The following GTF2A1L variants were observed in gnomAD, a reference collection of about 807,000 sequenced individuals.
GTF2A1L encodes TFIIA-alpha and beta-like factor.
A neutral mutation model predicts 49.7 loss-of-function variants in GTF2A1L; 48 were observed. That is an observed-to-expected ratio of 0.97 (90% CI 0.77 to 1.23). The LOEUF is 1.23. Among genes scored for constraint, GTF2A1L ranks in the 50% most tolerant of loss-of-function variants. The pLI, the probability that GTF2A1L is intolerant of heterozygous loss-of-function variation, is 0.00. For missense variants in GTF2A1L, 736 were observed against 564.8 expected, an observed-to-expected ratio of 1.30 and a Z score of -3.07; for synonymous variants, 246 against 193.5, an observed-to-expected ratio of 1.27 and a Z score of -2.25.
At chr2:48,647,417 A>C (rs1374200603) in intron 6 of GTF2A1L, among the ~76,000 whole-genome samples, 1 of 152,152 alleles carries the variant, frequency 6.6e-6, no homozygotes, top group Non-Finnish European at 1.5e-5. Flanking sequence ...TCTTCAGAGA[A>C]AATGCGTTTG....
intron 3 of GTF2A1L, among the ~76,000 whole-genome samples, chr2:48,622,553 G>C (rs924605614): frequency 5.3e-5 from 8 of 152,116 alleles, no homozygotes; most frequent in African/African-American, 1.9e-4. Context: ...TATGGAAGAG[G>C]AAAATACTTG....
chr2:48,642,340 T>C, intron 3 of GTF2A1L, 62 bp from the exon 4 acceptor site: 1 of 1,420,070 alleles, frequency 7.0e-7, no homozygotes, highest in Non-Finnish European at 9.5e-7. Context: ...TAAGCTATAT[T>C]TAGTGATTTT....
Position 48,644,015 on chromosome 2 carries a change from A to T in GTF2A1L, c.304-1018A>T, listed in dbSNP as rs189747729. Reference sequence around the variant, plus strand: ...TGCCCGGCCTGTACAAAATTTTTTTAAAAAAATTAGCCAAGCATGGTGGTG... The same window carrying T: ...TGCCCGGCCTGTACAAAATTTTTTTTAAAAAATTAGCCAAGCATGGTGGTG... On this transcript the variant is annotated intron_variant, in intron 4 of 8. Transcript: ENST00000403751. Among the ~76,000 whole-genome samples, 698 of 152,052 alleles carry T rather than the reference A, an allele frequency of 4.6e-3. 9 individuals carry two copies. Among genetic ancestry groups the T allele is most frequent in the African/African-American group, 0.015 (606 of 41,466 alleles).
intron 1 of GTF2A1L, among the ~76,000 whole-genome samples, chr2:48,619,469 CAAA>C (rs34874672): frequency 6.0e-5 from 8 of 133,644 alleles, no homozygotes; most frequent in East Asian, 2.2e-4. Context: ...GACTCCATCT[CAAA>C]AAAAAAAAAA....
rs1258100080 is a variant in GTF2A1L at position 48,643,688 on chromosome 2, A to G, written c.303+1231A>G. 2.0e-5 allele frequency among the ~76,000 whole-genome samples: 3 copies of G among 149,144 alleles called. No homozygotes were observed. In the East Asian group the frequency reaches 5.8e-4, roughly 29 times the overall value. On this transcript the variant is annotated intron_variant, in intron 4 of 8. Coordinates refer to ENST00000403751, the MANE Select transcript of GTF2A1L (RefSeq NM_006872.5). ...TGGGCACCATAGCAAGACCATATTA[A>G]TACAATTTTTTTTTTTTTTTTTTTT...
intron 1 of GTF2A1L, among the ~76,000 whole-genome samples, chr2:48,618,284 G>C (rs1485980890): frequency 1.3e-5 from 2 of 152,178 alleles, no homozygotes; most frequent in African/African-American, 4.8e-5. Flanking sequence ...TTTACTGCTT[G>C]AAATAACAAT....
chr2:48,636,337 G>C (rs1676886344), intron 3 of GTF2A1L, among the ~76,000 whole-genome samples: 3 of 152,110 alleles, frequency 2.0e-5, no homozygotes, highest in African/African-American at 7.2e-5. Flanking sequence ...AAGTATACTT[G>C]CTAGTTGAAA....
intron 3 of GTF2A1L, among the ~76,000 whole-genome samples, chr2:48,634,525 G>C (rs1207603925): frequency 6.6e-6 from 1 of 152,160 alleles, no homozygotes; most frequent in African/African-American, 2.4e-5. Flanking sequence ...TTTCATGGTA[G>C]CTGGCATCAG....
intron 3 of GTF2A1L, among the ~76,000 whole-genome samples, chr2:48,630,520 A>C (rs1279678447): frequency 6.9e-6 from 1 of 144,156 alleles, no homozygotes; most frequent in African/African-American, 2.5e-5. Flanking sequence ...TCTTTTGGTG[A>C]AGTCCTTAGG....
intron 3 of GTF2A1L, among the ~76,000 whole-genome samples, chr2:48,634,145 C>T (rs188180153): frequency 6.6e-6 from 1 of 152,116 alleles, no homozygotes; most frequent in Non-Finnish European, 1.5e-5. Context: ...AGGAGTCTTG[C>T]TCTGTCACTC....
chr2:48,653,300 AG>A (rs1365376624), intron 6 of GTF2A1L, among the ~76,000 whole-genome samples: 1 of 152,118 alleles, frequency 6.6e-6, no homozygotes, highest in Non-Finnish European at 1.5e-5. Flanking sequence ...ATCTTTTAAA[AG>A]GTAGCTTTTA....
chr2:48,653,661 G>T (rs1677993238), intron 6 of GTF2A1L, among the ~76,000 whole-genome samples: 4 of 152,110 alleles, frequency 2.6e-5, no homozygotes, highest in Admixed American at 1.3e-4. Context: ...GCCCCTGAAA[G>T]GGCCGGGCAC....
intron 6 of GTF2A1L, among the ~76,000 whole-genome samples, chr2:48,666,902 C>G (rs1230159532): frequency 6.6e-6 from 1 of 151,928 alleles, no homozygotes; most frequent in East Asian, 1.9e-4. Flanking sequence ...ACATTTCTAA[C>G]TGTCTCTGAG....
At chr2:48,659,600 T>C (rs1678375677) in intron 6 of GTF2A1L, among the ~76,000 whole-genome samples, 1 of 152,138 alleles carries the variant, frequency 6.6e-6, no homozygotes, top group Admixed American at 6.5e-5. Flanking sequence ...TTTGAATCCA[T>C]GAACTTGGGG....
intron 6 of GTF2A1L, among the ~76,000 whole-genome samples, chr2:48,662,792 A>G (rs1015069626): frequency 6.6e-6 from 1 of 151,910 alleles, no homozygotes; most frequent in African/African-American, 2.4e-5. Context: ...TTGATGCTTT[A>G]AAGGTATATA....
chr2:48,673,190 G>A (rs1023820554), intron 8 of GTF2A1L, among the ~76,000 whole-genome samples: 2 of 151,872 alleles, frequency 1.3e-5, no homozygotes, highest in African/African-American at 4.8e-5. Flanking sequence ...TTCTTTTTCC[G>A]TTTGTCTTTT....
intron 8 of GTF2A1L, among the ~76,000 whole-genome samples, chr2:48,678,543 G>A (rs185420710): frequency 5.0e-4 from 76 of 152,042 alleles, no homozygotes; most frequent in Middle Eastern, 3.4e-3. Context: ...TATATTCCTA[G>A]GGCTTTTAAA....
chr2:48,657,277 C>A (rs890450582), intron 6 of GTF2A1L, among the ~76,000 whole-genome samples: 1 of 152,038 alleles, frequency 6.6e-6, no homozygotes, highest in African/African-American at 2.4e-5. Flanking sequence ...TTTGGAGTCC[C>A]CAATGTCTAT....
chr2:48,629,792 T>C (rs1159877803), intron 3 of GTF2A1L, among the ~76,000 whole-genome samples: 1 of 144,502 alleles, frequency 6.9e-6, no homozygotes, highest in African/African-American at 2.5e-5. Flanking sequence ...AGTTAATTTT[T>C]GTATGTGGTA....
Sources: gnomAD v4.1 joint callset for allele counts (sites outside exome capture counted in the v4.1 genomes callset) on GRCh38, gnomAD v4.1.1 for gene constraint, MANE v1.5 for transcripts, NCBI Gene and HGNC (gene_info 2026-07-23, HGNC 2026-07-21) for gene names.